The following CFAP54 variants were observed in gnomAD, a reference collection of about 807,000 sequenced individuals.
CFAP54 encodes the protein cilia- and flagella-associated protein 54.
CFAP54 carries 290 observed loss-of-function variants against 370.4 expected under a neutral mutation model. The ratio of observed to expected loss-of-function variants is 0.78; its 90% CI spans 0.71 to 0.86. The LOEUF (loss-of-function observed/expected upper bound fraction) is 0.86. CFAP54 is among the 40% of genes least tolerant of loss of function. The pLI is 0.00. For missense variants in CFAP54, 3,399 were observed against 3,528.7 expected, an observed-to-expected ratio of 0.96 and a Z score of 0.93; for synonymous variants, 1,206 against 1,236.5, an observed-to-expected ratio of 0.98 and a Z score of 0.52.
At chr12:96,620,597 G>A (rs1956476281) in intron 26 of CFAP54, among the ~76,000 whole-genome samples, 1 of 152,214 alleles carries the variant, frequency 6.6e-6, no homozygotes, top group Admixed American at 6.5e-5. Context: ...TAATACACTT[G>A]TCTTAAATAC....
chr12:96,560,656 A>G (rs540324961), intron 17 of CFAP54, among the ~76,000 whole-genome samples: 20 of 152,306 alleles, frequency 1.3e-4, no homozygotes, highest in African/African-American at 4.3e-4. Context: ...ATTAGATTGC[A>G]TGCATCGGCT....
chr12:96,612,641 C>T (rs1197219781), intron 26 of CFAP54, among the ~76,000 whole-genome samples: 4 of 152,068 alleles, frequency 2.6e-5, no homozygotes, highest in Non-Finnish European at 5.9e-5. Flanking sequence ...ATTCAGGAGA[C>T]CCATCTCACA....
At chr12:96,557,139 T>C (rs924134817) in intron 17 of CFAP54, among the ~76,000 whole-genome samples, 8 of 152,058 alleles carry the variant, frequency 5.3e-5, no homozygotes. Context: ...CCTTGTCTTT[T>C]CCAGCTTCTA....
chr12:96,858,883 G>GA (rs1197889463), intron 66 of CFAP54, among the ~76,000 whole-genome samples: 3 of 152,082 alleles, frequency 2.0e-5, no homozygotes, highest in Non-Finnish European at 4.4e-5. Flanking sequence ...CACAGAACTA[G>GA]AAAAAACTGT....
chr12:96,489,641 C>G lies in CFAP54; in HGVS notation c.32C>G (p.Pro11Arg), dbSNP rs1346913828. The G allele has an allele frequency of 1.3e-6, 2 of 1,529,604 alleles. No homozygotes were observed. Among genetic ancestry groups the G allele is most frequent in the Admixed American group, 3.9e-5 (2 of 50,800 alleles). The allele number at this position is 1,529,604 out of a possible 1,614,324, so 94.8% of individuals were successfully genotyped here. Residue 11 changes from proline to arginine, a missense_variant, in exon 1 of 68, where the codon CCG becomes CGG. This residue lies in a region of CFAP54 where 559 missense variants were observed against 576.7 expected (regional missense o/e 0.97). Coordinates refer to ENST00000524981, the MANE Select transcript of CFAP54 (RefSeq NM_001306084.2). MAAQGSPSSS[P>R]SDDSTTSGSL... ...GCGCAGGGCTCCCCCTCGAGCTCTC[C>G]GTCAGACGACTCTACCACCTCGGGG...
chr12:96,504,974 TCC>T (rs1293896434), intron 3 of CFAP54, among the ~76,000 whole-genome samples: 2 of 150,302 alleles, frequency 1.3e-5, no homozygotes, highest in African/African-American at 4.9e-5. Context: ...TTTCTTTCTT[TCC>T]CTTTCTTTCT....
At chr12:96,648,944 C>T (rs185688798) in intron 34 of CFAP54, among the ~76,000 whole-genome samples, 1 of 152,266 alleles carries the variant, frequency 6.6e-6, no homozygotes, top group Non-Finnish European at 1.5e-5. Context: ...ACGAACCTGA[C>T]TAATTTCCAC....
intron 14 of CFAP54, among the ~76,000 whole-genome samples, chr12:96,545,930 C>A (rs1255240984): frequency 6.6e-6 from 1 of 152,186 alleles, no homozygotes; most frequent in Non-Finnish European, 1.5e-5. Flanking sequence ...TTCCTTTATG[C>A]CTTATGCTAT....
At chr12:96,734,290 C>T (rs750265525) in intron 50 of CFAP54, among the ~76,000 whole-genome samples, 12 of 152,134 alleles carry the variant, frequency 7.9e-5, no homozygotes, top group Non-Finnish European at 1.6e-4. Flanking sequence ...ATGATAATAG[C>T]TAGCATGCAT....
At chr12:96,729,678 C>G (rs373832664) in intron 50 of CFAP54, among the ~76,000 whole-genome samples, 2 of 152,210 alleles carry the variant, frequency 1.3e-5, no homozygotes, top group Non-Finnish European at 2.9e-5. Flanking sequence ...AGCTCGCGCA[C>G]GGCGCGCTGC....
At chr12:96,693,114 A>G (rs1435814591) in intron 44 of CFAP54, among the ~76,000 whole-genome samples, 1 of 152,204 alleles carries the variant, frequency 6.6e-6, no homozygotes, top group African/African-American at 2.4e-5. Context: ...AAATATTATG[A>G]GAAGAGTAAG....
intron 5 of CFAP54, among the ~76,000 whole-genome samples, chr12:96,517,716 CA>C (rs575555909): frequency 6.3e-4 from 96 of 152,284 alleles, no homozygotes; most frequent in African/African-American, 2.1e-3. Flanking sequence ...TGTCCACAAC[CA>C]GGGACTGAAA....
At chr12:96,727,656 G>T (rs1957859961) in intron 50 of CFAP54, among the ~76,000 whole-genome samples, 1 of 151,758 alleles carries the variant, frequency 6.6e-6, no homozygotes, top group African/African-American at 2.4e-5. Flanking sequence ...TCTTTTAATT[G>T]GAGCACTTAG....
intron 34 of CFAP54, among the ~76,000 whole-genome samples, chr12:96,649,676 C>G (rs2136500980): frequency 6.6e-6 from 1 of 152,298 alleles, no homozygotes; most frequent in African/African-American, 2.4e-5. Flanking sequence ...CTGTATTTCC[C>G]CATATAGCTA....
chr12:96,642,428 A>G (rs910643656), intron 32 of CFAP54, among the ~76,000 whole-genome samples: 2 of 152,340 alleles, frequency 1.3e-5, no homozygotes. Context: ...AAATTTATCT[A>G]TCTAAATCTA....
chr12:96,655,966 T>C (rs534130262), intron 36 of CFAP54, among the ~76,000 whole-genome samples: 5 of 152,280 alleles, frequency 3.3e-5, no homozygotes, highest in Admixed American at 2.6e-4. Flanking sequence ...CATAGATTAA[T>C]TAATATAATT....
rs1457842275 is a variant in CFAP54, at chr12:96,534,224, C to T, written c.1702C>T (p.His568Tyr). 2.1e-6 allele frequency: 3 copies of T among 1,409,666 alleles called. No homozygotes were observed. The highest frequency in any genetic ancestry group is 2.9e-6 in the Non-Finnish European group (3 of 1,047,396). The allele number at this position is 1,409,666 out of a possible 1,614,324, so 87.3% of individuals were successfully genotyped here. A position where few individuals can be genotyped will look rare whatever the true frequency, so the allele number is the denominator to read the frequency against. Residue 568 changes from histidine to tyrosine, a missense_variant, in exon 11 of 68, where the codon CAT becomes TAT. Coordinates refer to ENST00000524981, the MANE Select transcript of CFAP54 (RefSeq NM_001306084.2). ...AATTTATTTAAAAAAAATTGCTGTTCATGGTAAGTATTTATTTGTTTGTTC... is the reference window on the plus strand; with the variant it reads ...AATTTATTTAAAAAAAATTGCTGTTTATGGTAAGTATTTATTTGTTTGTTC... ...TQIYLKKIAV[H>Y]DTCLKTCGYS...
At chr12:96,559,777 T>C (rs913487773) in intron 17 of CFAP54, among the ~76,000 whole-genome samples, 4 of 152,104 alleles carry the variant, frequency 2.6e-5, no homozygotes, top group Non-Finnish European at 5.9e-5. Flanking sequence ...GGACATTCTC[T>C]CAAATAACCA....
chr12:96,695,292 A>C (rs1436053994), intron 45 of CFAP54, among the ~76,000 whole-genome samples: 1 of 152,234 alleles, frequency 6.6e-6, no homozygotes, highest in East Asian at 1.9e-4. Context: ...CCCATTTTCT[A>C]ATAAGGGAAA....
Sources: allele counts gnomAD v4.1 joint callset (sites outside exome capture counted in the v4.1 genomes callset), GRCh38; gene constraint gnomAD v4.1.1; regional missense constraint gnomAD v4.1.1; transcripts MANE v1.5; gene names NCBI Gene and HGNC (gene_info 2026-07-23, HGNC 2026-07-21).